ADA2: variants seen among roughly 807,000 people sequenced by gnomAD.
ADA2 encodes the protein adenosine deaminase 2, also known as adenosine deaminase CECR1.
Under a neutral mutation model 44.2 loss-of-function variants are expected in ADA2, and 29 were observed. The observed-to-expected ratio is 0.66, with a 90% CI of 0.49 to 0.89. The LOEUF (loss-of-function observed/expected upper bound fraction) is 0.89. ADA2 is among the 40% of genes least tolerant of loss of function. The probability of loss-of-function intolerance (pLI) is 0.00; values close to 1 mark genes in which losing one functional copy is unlikely to be tolerated. For synonymous variants in ADA2, 215 were observed against 234.9 expected, an observed-to-expected ratio of 0.92 and a Z score of 0.77; for missense variants, 637 against 644.8, an observed-to-expected ratio of 0.99 and a Z score of 0.13.
intron 1 of ADA2, chr22:17,213,524 G>A: frequency 1.1e-5 from 3 of 282,564 alleles, no homozygotes. Flanking sequence ...ATGCCTACGA[G>A]CAGGTACAAA....
In ADA2 at chr22:17,179,897, C is replaced by G. The variant is rs1479207136; in HGVS notation, c.*1586G>C. ...CTGTAATCCCAGTGCTTTGGGAGGC[C>G]GAGGCGGGTGGACCACGAGGTCAGG... On this transcript the variant is annotated 3_prime_UTR_variant, in exon 10 of 10. Coordinates refer to ENST00000399837, the MANE Select transcript of ADA2 (RefSeq NM_001282225.2). 1.3e-5 allele frequency: 2 copies of G among 152,162 alleles called. No homozygotes were observed. Among genetic ancestry groups the G allele is most frequent in the Non-Finnish European group, 2.9e-5 (2 of 68,058 alleles). 9.4% of individuals were successfully genotyped at this position (152,162 alleles called of 1,614,324 possible).
At chr22:17,188,535 C>CT in intron 6 of ADA2, 88 bp from the exon 7 acceptor site, 1 of 802,812 alleles carries the variant, frequency 1.2e-6, no homozygotes. Flanking sequence ...CACACCCTTC[C>CT]TTGTACCCTG....
At position 17,181,461 on chromosome 22, in the gene ADA2, T is replaced by C; in HGVS notation, c.*22A>G. The C allele has an allele frequency of 6.7e-7, 1 of 1,496,778 alleles. No individual in the cohort carries two copies. The highest frequency in any genetic ancestry group is 9.3e-7 in the Non-Finnish European group (1 of 1,072,956). The allele number at this position is 1,496,778 out of a possible 1,614,324, so 92.7% of individuals were successfully genotyped here. Reference sequence around the variant, plus strand: ...ACAGCGTGTGCAAGAAGACAGCTTGTAGAGGGCTGGCTAGCTTCTCCTCAC... The same window carrying C: ...ACAGCGTGTGCAAGAAGACAGCTTGCAGAGGGCTGGCTAGCTTCTCCTCAC... On this transcript the variant is annotated 3_prime_UTR_variant, in exon 10 of 10. Coordinates refer to ENST00000399837, the MANE Select transcript of ADA2 (RefSeq NM_001282225.2).
At chr22:17,189,023 T>TA (rs1292235845) in intron 6 of ADA2, among the ~76,000 whole-genome samples, 2 of 139,756 alleles carry the variant, frequency 1.4e-5, no homozygotes, top group Non-Finnish European at 3.1e-5. Flanking sequence ...TAGATTCTTT[T>TA]TTTTTTTTTT....
chr22:17,212,705 C>A (rs2062430620), intron 1 of ADA2, among the ~76,000 whole-genome samples: 1 of 151,770 alleles, frequency 6.6e-6, no homozygotes. Context: ...GGCCAAAGAC[C>A]CAAAGACATA....
At chr22:17,208,221 C>T (rs1264166226) in intron 2 of ADA2, among the ~76,000 whole-genome samples, 5 of 150,390 alleles carry the variant, frequency 3.3e-5, no homozygotes, top group Admixed American at 6.6e-5. Context: ...GTCAGGAGTT[C>T]GAGACCAGCC....
intron 4 of ADA2, among the ~76,000 whole-genome samples, chr22:17,192,538 A>C (rs985745333): frequency 2.0e-5 from 3 of 151,922 alleles, no homozygotes; most frequent in African/African-American, 7.3e-5. Context: ...AAGGGAAGGG[A>C]GGTGTGTAAT....
At chr22:17,192,655 C>G (rs1211749939) in intron 4 of ADA2, among the ~76,000 whole-genome samples, 3 of 151,984 alleles carry the variant, frequency 2.0e-5, no homozygotes, top group Admixed American at 2.0e-4. Flanking sequence ...TGGTGAAACC[C>G]CCATCTCTAC....
At position 17,189,710 on chromosome 22, in the gene ADA2, C is replaced by G. The variant is rs566546465; in HGVS notation, c.972+232G>C. On this transcript the variant is annotated intron_variant, in intron 6 of 9. Transcript: ENST00000399837. ...AACTTTCCTTGTTAGCTTGTTAGAACTGGCTGTCTGCTCTCCCTTCTCCAG... is the reference window on the plus strand; with the variant it reads ...AACTTTCCTTGTTAGCTTGTTAGAAGTGGCTGTCTGCTCTCCCTTCTCCAG... The G allele has an allele frequency of 1.4e-5, 7 of 491,268 alleles. No individual in the cohort carries two copies. In the South Asian group the frequency reaches 1.6e-4, roughly 11 times the overall value. The allele number at this position is 491,268 out of a possible 1,614,324, so 30.4% of individuals were successfully genotyped here.
chr22:17,188,868 A>AAAAAAAAAAAAAAAATATATAT, intron 6 of ADA2: 1 of 81,128 alleles, frequency 1.2e-5, no homozygotes, highest in African/African-American at 4.2e-5. Flanking sequence ...AAGAGCAAAA[A>AAAAAAAAAAAAAAAATATATAT]ATATATATAT....
chr22:17,192,820 CTCTG>C (rs1414312516), intron 4 of ADA2: 11 of 328,352 alleles, frequency 3.4e-5, no homozygotes, highest in Non-Finnish European at 5.7e-5. Context: ...CAAAGCAAGA[CTCTG>C]TCTCGAAAAA....
intron 6 of ADA2, 133 bp from the exon 7 acceptor site, chr22:17,188,580 T>A: frequency 1.7e-6 from 1 of 598,792 alleles, no homozygotes; most frequent in South Asian, 2.0e-5. Flanking sequence ...CACAGCCTTT[T>A]AAGAATGACC....
chr22:17,220,694 TA>T (rs1375132599), upstream of ADA2, among the ~76,000 whole-genome samples: 1 of 151,898 alleles, frequency 6.6e-6, no homozygotes, highest in Non-Finnish European at 1.5e-5. Flanking sequence ...CACTCAAATC[TA>T]CCCCCAAGAC....
chr22:17,221,336 G>A (rs2062521787), upstream of ADA2, among the ~76,000 whole-genome samples: 1 of 151,958 alleles, frequency 6.6e-6, no homozygotes, highest in Admixed American at 6.6e-5. Flanking sequence ...TGTGCACAAT[G>A]TGCAGGTTTG....
At chr22:17,193,085 G>A in intron 4 of ADA2, 1 of 1,019,718 alleles carries the variant, frequency 9.8e-7, no homozygotes, top group Non-Finnish European at 1.5e-6. Context: ...GTGGTTATGG[G>A]AGCAACAAAA....
intron 7 of ADA2, among the ~76,000 whole-genome samples, chr22:17,186,438 C>T (rs1191029890): frequency 1.3e-5 from 2 of 149,938 alleles, no homozygotes; most frequent in African/African-American, 2.5e-5. Flanking sequence ...AAAAATTAGC[C>T]GGGTGTGTTG....
At chr22:17,203,266 C>T (rs1342351460) in intron 4 of ADA2, among the ~76,000 whole-genome samples, 3 of 152,092 alleles carry the variant, frequency 2.0e-5, no homozygotes, top group African/African-American at 7.2e-5. Context: ...TGGCTCTATC[C>T]CAATTCTCCT....
chr22:17,179,435 T>C lies in ADA2; in HGVS notation c.*2048A>G, dbSNP rs765347331. The C allele has an allele frequency of 6.6e-6, 1 of 152,188 alleles. No homozygotes were observed. The highest frequency in any genetic ancestry group is 1.5e-5 in the Non-Finnish European group (1 of 68,040). 9.4% of individuals were successfully genotyped at this position (152,188 alleles called of 1,614,324 possible). On this transcript the variant is annotated 3_prime_UTR_variant, in exon 10 of 10. Coordinates refer to ENST00000399837, the MANE Select transcript of ADA2 (RefSeq NM_001282225.2). ...GGCATACAGTCTGGCAGGGCAAGAC[T>C]GTAGACACAGAAATAAATATCCGAT...
At chr22:17,190,843 G>T (rs1232999452) in intron 5 of ADA2, among the ~76,000 whole-genome samples, 2 of 152,216 alleles carry the variant, frequency 1.3e-5, no homozygotes, top group African/African-American at 4.8e-5. Context: ...CTCCTAGGGG[G>T]ACCGGCACAA....
Sources: allele counts gnomAD v4.1 joint callset (sites outside exome capture counted in the v4.1 genomes callset), GRCh38; gene constraint gnomAD v4.1.1; transcripts MANE v1.5; gene names NCBI Gene and HGNC (gene_info 2026-07-23, HGNC 2026-07-21).